NRXN3: variants seen among roughly 807,000 people sequenced by gnomAD.
NRXN3 encodes the protein neurexin III.
In NRXN3, 32 loss-of-function variants were observed where a neutral mutation model predicts 137.6. The ratio of observed to expected loss-of-function variants is 0.23; its 90% CI spans 0.18 to 0.31. The LOEUF is 0.31. Among genes scored for constraint, NRXN3 ranks in the 10% least tolerant of loss-of-function variants. NRXN3 has a pLI of 1.00. For synonymous variants in NRXN3, 798 were observed against 784.5 expected (o/e 1.02, Z -0.29); for missense variants, 1,574 against 2,062.5 (o/e 0.76, Z 4.59).
intron 10 of NRXN3, among the ~76,000 whole-genome samples, chr14:78,871,859 C>G (rs2099102075): frequency 6.6e-6 from 1 of 152,046 alleles, no homozygotes; most frequent in South Asian, 2.1e-4. Context: ...GGCTGTATTG[C>G]CCTGGTTATA....
Position 79,861,881 on chromosome 14 carries a change from G to T in NRXN3, c.4633G>T (p.Gly1545Cys). The change falls in exon 21 of 21, where the codon GGC becomes TGC. Residue 1545 changes from glycine to cysteine, a missense_variant. Around this residue, in one of 5 missense-constraint regions of NRXN3, gnomAD observed 320 missense variants for 387.1 expected, o/e 0.83. Coordinates refer to ENST00000335750, the MANE Select transcript of NRXN3 (RefSeq NM_001330195.2). The surrounding 1 kb of genome is among the most constrained non-coding windows in gnomAD (Gnocchi z 5.4). ...NYISNSAQSN[G>C]TLMKEKQQSS... ...CATCAGCAACTCCGCCCAGAGCAAC[G>T]GCACGCTCATGAAGGAGAAGCAGCA... The T allele has an allele frequency of 2.5e-6, 4 of 1,614,000 alleles. No individual in the cohort carries two copies. Among genetic ancestry groups the T allele is most frequent in the South Asian group, 1.1e-5 (1 of 91,076 alleles).
intron 10 of NRXN3, among the ~76,000 whole-genome samples, chr14:78,835,167 C>T (rs1050539469): frequency 6.6e-6 from 1 of 151,986 alleles, no homozygotes; most frequent in East Asian, 1.9e-4. Flanking sequence ...GAGAGAGAAC[C>T]GGCAAAGGGA....
chr14:79,853,827 T>TA, intron 20 of NRXN3: 2 of 983,876 alleles, frequency 2.0e-6, no homozygotes, highest in Non-Finnish European at 2.4e-6. Context: ...CAAAACCCGT[T>TA]AGAGTCATAG....
Position 78,795,309 on chromosome 14 carries a change from T to C in NRXN3, c.2045-8311T>C, listed in dbSNP as rs565388376. Among the ~76,000 whole-genome samples, 24 of 152,348 alleles carry C rather than the reference T, an allele frequency of 1.6e-4. No individual in the cohort carries two copies. In the South Asian group the frequency reaches 4.6e-3, roughly 29 times the overall value. On this transcript the variant is annotated intron_variant, in intron 8 of 20. Transcript: ENST00000335750. ...ATTTTCTTTCTCCCTGGATTGCTCC[T>C]TTAACACAATAATTTTACAGAAACC...
At chr14:79,519,891 T>C (rs1175189925) in intron 16 of NRXN3, among the ~76,000 whole-genome samples, 1 of 151,888 alleles carries the variant, frequency 6.6e-6, no homozygotes, top group Non-Finnish European at 1.5e-5. Flanking sequence ...AGTCTTTAAG[T>C]GTACTGTTTG....
intron 4 of NRXN3, among the ~76,000 whole-genome samples, chr14:78,629,816 T>C (rs1330052574): frequency 6.6e-6 from 1 of 152,356 alleles, no homozygotes; most frequent in East Asian, 1.9e-4. Context: ...TGACTTTAGG[T>C]TAGCAGAAAA....
At chr14:78,445,864 A>C (rs1567612916) in intron 4 of NRXN3, among the ~76,000 whole-genome samples, 1 of 152,226 alleles carries the variant, frequency 6.6e-6, no homozygotes. Context: ...CAGTGCTTGC[A>C]GAGATAGATG....
At chr14:79,819,455 A>T (rs923803372) in intron 20 of NRXN3, among the ~76,000 whole-genome samples, 2 of 148,494 alleles carry the variant, frequency 1.3e-5, no homozygotes, top group African/African-American at 2.5e-5. Context: ...ACATGAGACC[A>T]CATAGGATAC....
chr14:79,664,615 A>G (rs981359762), intron 17 of NRXN3, among the ~76,000 whole-genome samples: 3 of 152,166 alleles, frequency 2.0e-5, no homozygotes, highest in Non-Finnish European at 4.4e-5. Flanking sequence ...ACATTCAGCA[A>G]CAAATTCCCA....
chr14:78,408,977 C>T (rs1473423922), intron 4 of NRXN3, among the ~76,000 whole-genome samples: 1 of 152,218 alleles, frequency 6.6e-6, no homozygotes, highest in Non-Finnish European at 1.5e-5. Context: ...CCCATAATGT[C>T]CTACTTCAGG....
At chr14:78,312,629 C>A (rs375741209) in intron 4 of NRXN3, among the ~76,000 whole-genome samples, 6 of 151,174 alleles carry the variant, frequency 4.0e-5, no homozygotes, top group East Asian at 1.9e-4. Flanking sequence ...AAGCCAGTAT[C>A]ATTTCTGGGT....
At chr14:79,818,578 A>C (rs866773229) in intron 20 of NRXN3, among the ~76,000 whole-genome samples, 2 of 152,130 alleles carry the variant, frequency 1.3e-5, no homozygotes, top group Middle Eastern at 3.4e-3. Context: ...ACAACAACAA[A>C]ACGAACTTGT....
chr14:78,917,918 C>T (rs937191005), intron 10 of NRXN3, among the ~76,000 whole-genome samples: 10 of 147,118 alleles, frequency 6.8e-5, no homozygotes, highest in African/African-American at 2.5e-4. Context: ...TGATAGTTAT[C>T]TTAAACAACC....
At chr14:78,183,759 T>A (rs1265514815) in intron 1 of NRXN3, among the ~76,000 whole-genome samples, 1 of 152,278 alleles carries the variant, frequency 6.6e-6, no homozygotes, top group East Asian at 1.9e-4. Flanking sequence ...CTGTTTTTCT[T>A]CAGGTCTTGG....
At chr14:78,943,196 A>T (rs568040650) in intron 10 of NRXN3, among the ~76,000 whole-genome samples, 1 of 152,252 alleles carries the variant, frequency 6.6e-6, no homozygotes, top group South Asian at 2.1e-4. Context: ...GAGGTTGCTC[A>T]TGAAAGTTCA....
intron 10 of NRXN3, among the ~76,000 whole-genome samples, chr14:78,846,775 C>T (rs555053315): frequency 6.6e-6 from 1 of 152,206 alleles, no homozygotes; most frequent in South Asian, 2.1e-4. Context: ...TCAAAGTCTC[C>T]CTTGCTACTT....
At chr14:78,203,176 G>A (rs2061839416) in intron 1 of NRXN3, among the ~76,000 whole-genome samples, 2 of 152,232 alleles carry the variant, frequency 1.3e-5, no homozygotes, top group South Asian at 4.1e-4. Context: ...GAGGCTGTGA[G>A]TTACTGTGCA....
chr14:78,568,125 G>C (rs1382492656), intron 4 of NRXN3, among the ~76,000 whole-genome samples: 1 of 152,154 alleles, frequency 6.6e-6, no homozygotes, highest in Non-Finnish European at 1.5e-5. Flanking sequence ...TTGGAAGTGG[G>C]GCTCATGTTC....
intron 16 of NRXN3, among the ~76,000 whole-genome samples, chr14:79,522,322 T>C (rs1038703541): frequency 6.6e-6 from 1 of 152,102 alleles, no homozygotes; most frequent in African/African-American, 2.4e-5. Context: ...GGATATCCGG[T>C]TGTAACTGTT....
Sources: gnomAD v4.1 joint callset for allele counts (sites outside exome capture counted in the v4.1 genomes callset) on GRCh38, gnomAD v4.1.1 for gene constraint, gnomAD v4.1.1 regional missense constraint, Gnocchi (gnomAD v3.1) non-coding constraint, MANE v1.5 for transcripts, NCBI Gene and HGNC (gene_info 2026-07-23, HGNC 2026-07-21) for gene names.